The following SORCS3 variants were observed in gnomAD, a reference collection of about 807,000 sequenced individuals.
SORCS3 encodes the protein sortilin related VPS10 domain containing receptor 3.
Under a neutral mutation model 146.3 loss-of-function variants are expected in SORCS3, and 57 were observed. The observed-to-expected ratio is 0.39, with a 90% CI of 0.31 to 0.49. The LOEUF (loss-of-function observed/expected upper bound fraction) is 0.49, where lower values mean the gene tolerates loss of function less well. Among genes scored for constraint, SORCS3 ranks in the 20% least tolerant of loss-of-function variants. SORCS3 has a pLI of 0.92. For missense variants in SORCS3, 1,341 were observed against 1,575.5 expected (o/e 0.85, Z 2.52); for synonymous variants, 653 against 618.5 (o/e 1.06, Z -0.83).
chr10:105,030,844 C>CT (rs1308373762), intron 4 of SORCS3, among the ~76,000 whole-genome samples: 1 of 151,900 alleles, frequency 6.6e-6, no homozygotes, highest in African/African-American at 2.4e-5. Context: ...CTGCCCACTT[C>CT]AGCCTCCCAA....
chr10:104,716,517 G>T (rs960610519), intron 1 of SORCS3, among the ~76,000 whole-genome samples: 14 of 152,134 alleles, frequency 9.2e-5, no homozygotes, highest in Middle Eastern at 3.4e-3. Context: ...TGCCATGGGG[G>T]TCGGGGAGGG....
At chr10:104,728,147 C>T (rs1003163651) in intron 1 of SORCS3, among the ~76,000 whole-genome samples, 1 of 151,804 alleles carries the variant, frequency 6.6e-6, no homozygotes, top group African/African-American at 2.4e-5. Context: ...ACCAATCCAC[C>T]ATTGTTGAAC....
At chr10:104,798,870 T>TA (rs2017590499) in intron 1 of SORCS3, among the ~76,000 whole-genome samples, 2 of 151,904 alleles carry the variant, frequency 1.3e-5, no homozygotes, top group African/African-American at 4.8e-5. Context: ...ACAACCCCAT[T>TA]AAAAAATGGA....
chr10:105,065,193 T>C (rs2055515163), intron 5 of SORCS3, among the ~76,000 whole-genome samples: 1 of 152,064 alleles, frequency 6.6e-6, no homozygotes, highest in Admixed American at 6.6e-5. Context: ...TTGTGGTTAA[T>C]TGCCTCCTCC....
intron 4 of SORCS3, among the ~76,000 whole-genome samples, chr10:104,997,908 A>G (rs1205925580): frequency 6.6e-6 from 1 of 152,162 alleles, no homozygotes; most frequent in Admixed American, 6.6e-5. Flanking sequence ...TTAATCACAT[A>G]TGGTGCTATT....
intron 1 of SORCS3, among the ~76,000 whole-genome samples, chr10:104,681,854 G>A (rs963302271): frequency 6.6e-6 from 1 of 152,126 alleles, no homozygotes; most frequent in African/African-American, 2.4e-5. Context: ...TTACTTAAAT[G>A]TGTCTTCTCA....
chr10:104,828,551 G>T (rs989172065), intron 1 of SORCS3, among the ~76,000 whole-genome samples: 1 of 152,102 alleles, frequency 6.6e-6, no homozygotes, highest in Non-Finnish European at 1.5e-5. Context: ...AGCTTGAAAT[G>T]TTGTGAGAAT....
At chr10:105,066,625 A>C (rs942045343) in intron 5 of SORCS3, among the ~76,000 whole-genome samples, 4 of 152,146 alleles carry the variant, frequency 2.6e-5, no homozygotes. Context: ...TTCTGGAAGA[A>C]AGAGAATCAT....
chr10:104,672,531 CTTAAG>C (rs1392123184), intron 1 of SORCS3, among the ~76,000 whole-genome samples: 1 of 151,798 alleles, frequency 6.6e-6, no homozygotes, highest in Non-Finnish European at 1.5e-5. Flanking sequence ...TTTCTAGATT[CTTAAG>C]TTAGGTTATT....
At chr10:104,729,472 T>C (rs960105030) in intron 1 of SORCS3, among the ~76,000 whole-genome samples, 2 of 152,210 alleles carry the variant, frequency 1.3e-5, no homozygotes, top group Non-Finnish European at 2.9e-5. Context: ...AAGAAATATG[T>C]AGGTGACATG....
chr10:104,715,556 G>C (rs1238666837), intron 1 of SORCS3, among the ~76,000 whole-genome samples: 1 of 152,120 alleles, frequency 6.6e-6, no homozygotes, highest in African/African-American at 2.4e-5. Context: ...ATATGTATCT[G>C]TATATCCTGT....
intron 1 of SORCS3, among the ~76,000 whole-genome samples, chr10:104,644,559 G>T (rs1362093229): frequency 1.3e-5 from 2 of 152,234 alleles, no homozygotes; most frequent in Non-Finnish European, 2.9e-5. Context: ...AAAAGCCAGG[G>T]TGAAGAGTGA....
chr10:104,846,179 A>T (rs2018202160), intron 2 of SORCS3, among the ~76,000 whole-genome samples: 1 of 152,132 alleles, frequency 6.6e-6, no homozygotes, highest in Non-Finnish European at 1.5e-5. Context: ...AGTGTGACTG[A>T]GGAAAGGGAC....
intron 2 of SORCS3, among the ~76,000 whole-genome samples, chr10:104,900,714 C>G: frequency 6.6e-6 from 1 of 151,950 alleles, no homozygotes; most frequent in Non-Finnish European, 1.5e-5. Flanking sequence ...CATGGTGAAA[C>G]CCCGTCTCTA....
At chr10:104,803,745 A>G (rs1451573354) in intron 1 of SORCS3, among the ~76,000 whole-genome samples, 3 of 151,986 alleles carry the variant, frequency 2.0e-5, no homozygotes, top group Non-Finnish European at 4.4e-5. Context: ...TCAAGCTCTC[A>G]CTGCAGGTGA....
In SORCS3 at chr10:104,706,891, G is replaced by C. The variant is rs376140735; in HGVS notation, c.627+64937G>C. 5.1e-4 allele frequency among the ~76,000 whole-genome samples: 78 copies of C among 152,158 alleles called. No homozygotes were observed. In the East Asian group the frequency reaches 5.6e-3, roughly 11 times the overall value. On this transcript the variant is annotated intron_variant, in intron 1 of 26. Transcript: ENST00000369701. The stretch of plus-strand genomic sequence containing the variant: ...AGAAAAATGATTTTTTCTTTTAAAC[G>C]TAAGTGTGGGCACGTGGAAGATTGC...
chr10:104,874,774 A>C (rs1332399296), intron 2 of SORCS3, among the ~76,000 whole-genome samples: 1 of 152,078 alleles, frequency 6.6e-6, no homozygotes, highest in Non-Finnish European at 1.5e-5. Flanking sequence ...CCTGGCTTGC[A>C]GCTCTCTTCT....
chr10:104,993,773 G>T (rs943063685), intron 4 of SORCS3, among the ~76,000 whole-genome samples: 1 of 151,946 alleles, frequency 6.6e-6, no homozygotes, highest in African/African-American at 2.4e-5. Context: ...TTTTTTTGAT[G>T]CTGAAAATGC....
At chr10:105,083,021 G>A (rs1385057668) in intron 5 of SORCS3, among the ~76,000 whole-genome samples, 3 of 152,252 alleles carry the variant, frequency 2.0e-5, no homozygotes, top group East Asian at 3.9e-4. Flanking sequence ...TTACAGGCAT[G>A]AGCCACCACG....
Sources: allele counts gnomAD v4.1 joint callset (sites outside exome capture counted in the v4.1 genomes callset), GRCh38; gene constraint gnomAD v4.1.1; transcripts MANE v1.5; gene names NCBI Gene and HGNC (gene_info 2026-07-23, HGNC 2026-07-21).